The following SENP7 variants were observed in gnomAD, a reference collection of about 807,000 sequenced individuals.
The protein encoded by SENP7 is SUMO specific peptidase 7, also known as sentrin-specific protease 7.
SENP7 carries 64 observed loss-of-function variants against 141.2 expected under a neutral mutation model. The observed-to-expected ratio is 0.45, with a 90% CI of 0.37 to 0.56. The LOEUF (loss-of-function observed/expected upper bound fraction) is 0.56, where lower values mean the gene tolerates loss of function less well. Among genes scored for constraint, SENP7 ranks in the 20% least tolerant of loss-of-function variants. The probability of loss-of-function intolerance (pLI) is 0.00; values close to 1 mark genes in which losing one functional copy is unlikely to be tolerated. For missense variants in SENP7, 1,025 were observed against 1,212.2 expected (o/e 0.85, Z 2.29); for synonymous variants, 382 against 426.4 (o/e 0.90, Z 1.28).
At chr3:101,347,733 A>AG (rs1366596692) in intron 13 of SENP7, 139 bp downstream of exon 13, 1 of 526,834 alleles carries the variant, frequency 1.9e-6, no homozygotes, top group Non-Finnish European at 3.1e-6. Context: ...AAAAAAAAAA[A>AG]AAAAAGAAAC....
At chr3:101,328,580 A>T in intron 21 of SENP7, 34 bp from the exon 22 acceptor site, 1 of 1,601,694 alleles carries the variant, frequency 6.2e-7, no homozygotes, top group Non-Finnish European at 8.6e-7. Context: ...CAAGATTTAC[A>T]TACTTGTATA....
chr3:101,402,089 G>C (rs1351078317), intron 5 of SENP7, among the ~76,000 whole-genome samples: 1 of 151,756 alleles, frequency 6.6e-6, no homozygotes, highest in Non-Finnish European at 1.5e-5. Context: ...AAGTTATCCA[G>C]AAGATCTAGC....
At chr3:101,402,519 GGCTGAGGCAGGAGAATC>G (rs60543310) in intron 5 of SENP7, among the ~76,000 whole-genome samples, 27,647 of 150,936 alleles carry the variant, frequency 0.18, 2,986 homozygotes, top group Admixed American at 0.35. Flanking sequence ...CTACTTCAGA[GGCTGAGGCAGGAGAATC>G]GCTTGAACCT....
intron 6 of SENP7, among the ~76,000 whole-genome samples, chr3:101,394,184 TGTGA>T (rs1391995883): frequency 6.6e-6 from 1 of 152,284 alleles, no homozygotes; most frequent in Non-Finnish European, 1.5e-5. Flanking sequence ...AGCTCTCACA[TGTGA>T]GAGAGAACAT....
chr3:101,349,049 A>G (rs1408382128), intron 12 of SENP7, among the ~76,000 whole-genome samples: 2 of 152,186 alleles, frequency 1.3e-5, no homozygotes, highest in African/African-American at 4.8e-5. Flanking sequence ...GCAGAGTATC[A>G]GGCCCCACCT....
At chr3:101,457,436 C>CT (rs1200299873) in intron 4 of SENP7, 23 of 1,581,270 alleles carry the variant, frequency 1.5e-5, no homozygotes, top group Non-Finnish European at 1.9e-5. Context: ...TTTCTGTCAG[C>CT]TGCTTTGTCT....
Position 101,493,981 on chromosome 3 carries a change from T to C in SENP7, c.91-13A>G. 6.5e-7 allele frequency: 1 copy of C among 1,532,976 alleles called. No individual in the cohort carries two copies. Among genetic ancestry groups the C allele is most frequent in the Non-Finnish European group, 9.0e-7 (1 of 1,107,376 alleles). The allele number at this position is 1,532,976 out of a possible 1,614,324, so 95.0% of individuals were successfully genotyped here. ...ACATCTTTCTTATCTGAAAATAGGA[T>C]GAGAAAATAATTAGTTTAATTGAAC... On this transcript the variant is annotated splice_polypyrimidine_tract_variant and intron_variant, in intron 2 of 23. Transcript: ENST00000394095.
intron 5 of SENP7, 35 bp from the exon 6 acceptor site, chr3:101,399,090 G>A: frequency 7.6e-7 from 1 of 1,318,132 alleles, no homozygotes; most frequent in Non-Finnish European, 1.0e-6. Flanking sequence ...GTACTGTACT[G>A]AAGTTTTCAG....
At position 101,416,346 on chromosome 3, in the gene SENP7, T is replaced by G. The variant is rs557426342; in HGVS notation, c.482+1247A>C. Among the ~76,000 whole-genome samples the G allele has an allele frequency of 4.6e-5, 7 of 152,202 alleles. No homozygotes were observed. In the South Asian group the frequency reaches 1.5e-3, roughly 32 times the overall value. ...ATTCTGAGAGAATGGACTACCACAC[T>G]GTTCTGATTGGAAAAAGGACAGATG... On this transcript the variant is annotated intron_variant, in intron 5 of 23. Transcript: ENST00000394095.
At chr3:101,328,799 A>G in intron 20 of SENP7, 110 bp from the exon 21 acceptor site, 1 of 773,124 alleles carries the variant, frequency 1.3e-6, no homozygotes, top group Non-Finnish European at 2.1e-6. Flanking sequence ...TTCAAGTAAT[A>G]GTTATCTTCA....
At chr3:101,366,869 T>G in intron 8 of SENP7, 100 bp from the exon 9 acceptor site, 1 of 696,742 alleles carries the variant, frequency 1.4e-6, no homozygotes, top group Non-Finnish European at 2.3e-6. Context: ...ATATCACTTC[T>G]ATAACTACAT....
rs2060613486 is a variant in SENP7 at position 101,385,047 on chromosome 3, G to A, written c.678-12921C>T. On this transcript the variant is annotated intron_variant, in intron 6 of 23. Transcript: ENST00000394095. The stretch of plus-strand genomic sequence containing the variant: ...AAACAATTATATATTTTTGCCTACG[G>A]CTTATCAAAAAAAGTTTAATCGTAA... Among the ~76,000 whole-genome samples the A allele has an allele frequency of 2.6e-5, 4 of 152,036 alleles. No homozygotes were observed. In the South Asian group the frequency reaches 8.3e-4, roughly 32 times the overall value.
intron 12 of SENP7, among the ~76,000 whole-genome samples, chr3:101,350,267 G>A (rs763886041): frequency 5.9e-5 from 9 of 152,094 alleles, no homozygotes; most frequent in Non-Finnish European, 1.2e-4. Context: ...TTTCTTCTAT[G>A]TGAAAGAAAA....
At chr3:101,377,870 A>G (rs971322538) in intron 6 of SENP7, among the ~76,000 whole-genome samples, 7 of 152,324 alleles carry the variant, frequency 4.6e-5, no homozygotes, top group Admixed American at 4.6e-4. Context: ...AGAGAATGAG[A>G]AGCACTTGTA....
At chr3:101,474,125 G>A (rs1451564740) in intron 3 of SENP7, among the ~76,000 whole-genome samples, 1 of 152,176 alleles carries the variant, frequency 6.6e-6, no homozygotes, top group African/African-American at 2.4e-5. Context: ...TGGATAGCAT[G>A]ATGCCTCCAG....
Position 101,366,427 on chromosome 3 carries a change from T to TA in SENP7, c.1318+2dup, listed in dbSNP as rs779396380. On this transcript the variant is annotated splice_region_variant and intron_variant, in intron 9 of 23. Coordinates refer to ENST00000394095, the MANE Select transcript of SENP7 (RefSeq NM_020654.5). ...GTAACTTTATAATCCTCCTGTCACT[T>TA]ACTTGGTTCAGCTGAGATCAGTGAT... 6.4e-7 allele frequency: 1 copy of TA among 1,551,102 alleles called. No individual in the cohort carries two copies. The highest frequency in any genetic ancestry group is 1.4e-5 in the African/African-American group (1 of 72,780).
chr3:101,332,925 G>C, intron 17 of SENP7, 63 bp from the exon 18 acceptor site: 1 of 1,448,358 alleles, frequency 6.9e-7, no homozygotes. Flanking sequence ...GGGACTTCAA[G>C]AGCCATTTTT....
rs756439520 is a variant in SENP7 at position 101,348,014 on chromosome 3, T to G, written c.1695A>C (p.Thr565=). The change falls in exon 13 of 24, where the codon ACA becomes ACC. Residue 565 remains threonine, a synonymous_variant. Coordinates refer to ENST00000394095, the MANE Select transcript of SENP7 (RefSeq NM_020654.5). ...TCCATAACCCAAACCGCTTTAAATG[T>G]GTGGTATCCACTAGCAATGAAATCT... The part of the protein sequence containing the change: ...LNEISLLVDT[T]HLKRFGLWKS... 6.2e-7 allele frequency: 1 copy of G among 1,606,048 alleles called. No homozygotes were observed. The highest frequency in any genetic ancestry group is 8.5e-7 in the Non-Finnish European group (1 of 1,176,996).
In SENP7 at chr3:101,324,859, T is replaced by C. The variant is rs1403626298; in HGVS notation, c.*1084A>G. 6.6e-6 allele frequency: 1 copy of C among 152,056 alleles called. No homozygotes were observed. Among genetic ancestry groups the C allele is most frequent in the Non-Finnish European group, 1.5e-5 (1 of 67,984 alleles). The allele number at this position is 152,056 out of a possible 1,614,324, so 9.4% of individuals were successfully genotyped here. A position where few individuals can be genotyped will look rare whatever the true frequency, so the allele number is the denominator to read the frequency against. On this transcript the variant is annotated 3_prime_UTR_variant, in exon 24 of 24. Transcript: ENST00000394095. Reference sequence around the variant, plus strand: ...CATTAGAAAGTTCTGAAGTGTTTAATCATATATAATGCCACCATTATCACA... The same window carrying C: ...CATTAGAAAGTTCTGAAGTGTTTAACCATATATAATGCCACCATTATCACA...
Sources: gnomAD v4.1 joint callset for allele counts (sites outside exome capture counted in the v4.1 genomes callset) on GRCh38, gnomAD v4.1.1 for gene constraint, MANE v1.5 for transcripts, NCBI Gene and HGNC (gene_info 2026-07-23, HGNC 2026-07-21) for gene names.